The following SV2C variants were observed in gnomAD, a reference collection of about 807,000 sequenced individuals.
SV2C encodes the protein solute carrier family 22 member B3.
In SV2C, 49 loss-of-function variants were observed where a neutral mutation model predicts 79.7. That is an observed-to-expected ratio of 0.61 (90% CI 0.49 to 0.78). The LOEUF is 0.78. SV2C is among the 30% of genes least tolerant of loss of function. The probability of loss-of-function intolerance (pLI) is 0.00; values close to 1 mark genes in which losing one functional copy is unlikely to be tolerated. For missense variants in SV2C, 833 were observed against 912.9 expected (o/e 0.91, Z 1.13); for synonymous variants, 334 against 333.2 (o/e 1.00, Z -0.03).
chr5:75,881,135 C>G, the SV2C span, among the ~76,000 whole-genome samples: 2 of 152,148 alleles, frequency 1.3e-5, no homozygotes, highest in Non-Finnish European at 2.9e-5. Flanking sequence ...GAATCTGCCC[C>G]CATGATCCAA....
intron 1 of SV2C, among the ~76,000 whole-genome samples, chr5:76,105,955 T>C (rs1197916759): frequency 6.6e-6 from 1 of 152,172 alleles, no homozygotes. Context: ...TTCTTGTGGC[T>C]TCAAACTCCA....
the SV2C span, among the ~76,000 whole-genome samples, chr5:75,951,316 G>T: frequency 1.3e-5 from 2 of 152,034 alleles, no homozygotes; most frequent in Non-Finnish European, 2.9e-5. Context: ...TTTTGGTGGT[G>T]AGCCAGCTGC....
At chr5:76,176,087 C>A (rs916657449) in intron 2 of SV2C, among the ~76,000 whole-genome samples, 1 of 152,200 alleles carries the variant, frequency 6.6e-6, no homozygotes, top group African/African-American at 2.4e-5. Context: ...TTTGTGACAA[C>A]CTTGTGTGCA....
At chr5:76,272,224 A>G (rs1198674361) in intron 4 of SV2C, among the ~76,000 whole-genome samples, 1 of 152,176 alleles carries the variant, frequency 6.6e-6, no homozygotes, top group Non-Finnish European at 1.5e-5. Context: ...TTAATGCTGG[A>G]AATATTATAG....
chr5:75,869,410 G>A, the SV2C span, among the ~76,000 whole-genome samples: 1 of 152,166 alleles, frequency 6.6e-6, no homozygotes, highest in South Asian at 2.1e-4. Flanking sequence ...CACAGGGTGA[G>A]GCTCATCTGC....
chr5:76,080,018 A>C (rs1481808837), upstream of SV2C, among the ~76,000 whole-genome samples: 1 of 152,030 alleles, frequency 6.6e-6, no homozygotes, highest in Non-Finnish European at 1.5e-5. Context: ...CTAACACCCT[A>C]GAATGTGATT....
chr5:75,890,056 A>T, the SV2C span, among the ~76,000 whole-genome samples: 2 of 152,172 alleles, frequency 1.3e-5, no homozygotes, highest in Non-Finnish European at 2.9e-5. Context: ...CAATTAAAGA[A>T]TTACAGATTT....
At chr5:76,218,492 T>A (rs1261577661) in intron 4 of SV2C, among the ~76,000 whole-genome samples, 3 of 152,150 alleles carry the variant, frequency 2.0e-5, no homozygotes, top group South Asian at 2.1e-4. Context: ...ATTCTCAGCA[T>A]ACTAACACAG....
chr5:76,322,992 GA>G (rs1748879806), intron 12 of SV2C, among the ~76,000 whole-genome samples: 1 of 152,076 alleles, frequency 6.6e-6, no homozygotes, highest in Non-Finnish European at 1.5e-5. Context: ...ACTTCATGAT[GA>G]AAACACCAAA....
downstream of SV2C, among the ~76,000 whole-genome samples, chr5:76,334,196 T>C (rs1468376971): frequency 6.6e-6 from 1 of 152,208 alleles, no homozygotes; most frequent in Non-Finnish European, 1.5e-5. Flanking sequence ...GCAAAGCAGA[T>C]GCTTGTGTTC....
the SV2C span, among the ~76,000 whole-genome samples, chr5:75,997,012 C>T: frequency 6.7e-6 from 1 of 148,958 alleles, no homozygotes; most frequent in Non-Finnish European, 1.5e-5. Flanking sequence ...CCAGAACTTC[C>T]AACACTATGT....
chr5:75,864,897 A>G, the SV2C span, among the ~76,000 whole-genome samples: 1 of 150,488 alleles, frequency 6.6e-6, no homozygotes, highest in Non-Finnish European at 1.5e-5. Flanking sequence ...GAGTGGGAGT[A>G]GAGCAGAAAG....
At chr5:76,211,745 A>G (rs914011112) in intron 4 of SV2C, among the ~76,000 whole-genome samples, 4 of 152,212 alleles carry the variant, frequency 2.6e-5, no homozygotes, top group African/African-American at 9.6e-5. Flanking sequence ...CATTGCTAAA[A>G]TCAGACATAG....
At chr5:76,291,901 C>A in intron 8 of SV2C, 45 bp downstream of exon 8, 3 of 1,333,310 alleles carry the variant, frequency 2.3e-6, no homozygotes, top group Middle Eastern at 1.9e-4. Context: ...GTTCAATGTC[C>A]ACATTGTAAC....
At chr5:76,081,781 T>G (rs1369434598), upstream of SV2C, among the ~76,000 whole-genome samples, 1 of 152,150 alleles carries the variant, frequency 6.6e-6, no homozygotes. Context: ...GTTGTCTCCA[T>G]TTTCTTCTCT....
intron 9 of SV2C, among the ~76,000 whole-genome samples, chr5:76,298,102 C>T (rs1747839352): frequency 6.6e-6 from 1 of 152,084 alleles, no homozygotes; most frequent in Admixed American, 6.6e-5. Context: ...CAAAAATATA[C>T]CTGAACAGGT....
intron 10 of SV2C, among the ~76,000 whole-genome samples, chr5:76,299,619 C>A (rs756617913): frequency 1.3e-5 from 2 of 152,228 alleles, no homozygotes; most frequent in African/African-American, 2.4e-5. Context: ...AGCATAACAG[C>A]GTGGCATTGG....
chr5:76,042,003 G>A, the SV2C span, among the ~76,000 whole-genome samples: 1 of 152,060 alleles, frequency 6.6e-6, no homozygotes, highest in Non-Finnish European at 1.5e-5. Flanking sequence ...CATGTTTCAG[G>A]CCCGATGTTT....
the SV2C span, among the ~76,000 whole-genome samples, chr5:75,955,937 C>T: frequency 3.3e-5 from 5 of 151,876 alleles, no homozygotes; most frequent in Non-Finnish European, 5.9e-5. Flanking sequence ...AACACTTTTA[C>T]ACTGTTGGTG....
Sources: allele counts gnomAD v4.1 joint callset (sites outside exome capture counted in the v4.1 genomes callset), GRCh38; gene constraint gnomAD v4.1.1; transcripts MANE v1.5; gene names NCBI Gene and HGNC (gene_info 2026-07-23, HGNC 2026-07-21).